CFAP91: variants seen among roughly 807,000 people sequenced by gnomAD.
CFAP91 encodes cilia and flagella associated protein 91.
CFAP91 carries 85 observed loss-of-function variants against 95.9 expected under a neutral mutation model. The ratio of observed to expected loss-of-function variants is 0.89; its 90% CI spans 0.74 to 1.06. CFAP91 has a LOEUF of 1.06. Ranked by LOEUF, CFAP91 falls within the 50% of genes least tolerant of loss-of-function variation. CFAP91 has a pLI of 0.00. For missense variants in CFAP91, 962 were observed against 943.4 expected, an observed-to-expected ratio of 1.02 and a Z score of -0.26; for synonymous variants, 335 against 327.5, an observed-to-expected ratio of 1.02 and a Z score of -0.25.
intron 17 of CFAP91, among the ~76,000 whole-genome samples, chr3:119,761,023 A>T (rs1217352392): frequency 6.6e-6 from 1 of 151,850 alleles, no homozygotes; most frequent in Middle Eastern, 3.2e-3. Context: ...AATAATAAAG[A>T]TTAGACCAGA....
At chr3:119,739,442 C>T in intron 12 of CFAP91, 116 bp downstream of exon 12, 1 of 903,286 alleles carries the variant, frequency 1.1e-6, no homozygotes, top group Non-Finnish European at 1.8e-6. Context: ...TCCTATTCAG[C>T]TAAACTCTTG....
In CFAP91 at chr3:119,747,158, A is replaced by G; in HGVS notation, c.1946A>G (p.Asp649Gly). 1.2e-6 allele frequency: 2 copies of G among 1,613,638 alleles called. No homozygotes were observed. Among genetic ancestry groups the G allele is most frequent in the Non-Finnish European group, 1.7e-6 (2 of 1,179,746 alleles). Residue 649 changes from aspartate to glycine, a missense_variant, in exon 15 of 18, where the codon GAC becomes GGC. By Grantham distance (94) the Asp-to-Gly change is moderately conservative. Coordinates refer to ENST00000273390, the MANE Select transcript of CFAP91 (RefSeq NM_033364.4). ...HHSTISSYLE[D>G]IILNTEANTA... is the part of the protein sequence containing the mutation. The stretch of plus-strand genomic sequence containing the variant: ...AGTACTATAAGCTCCTACCTAGAAG[A>G]CATAATACTGAATACCGAAGCGAAT...
intron 6 of CFAP91, among the ~76,000 whole-genome samples, chr3:119,725,751 T>A (rs1222291544): frequency 6.6e-6 from 1 of 151,498 alleles, no homozygotes; most frequent in Non-Finnish European, 1.5e-5. Context: ...AGTGAGACCT[T>A]GATTCACAAA....
Position 119,730,314 on chromosome 3 carries a change from T to G in CFAP91, c.955T>G (p.Trp319Gly). 6.2e-7 allele frequency: 1 copy of G among 1,614,086 alleles called. No homozygotes were observed. Among genetic ancestry groups the G allele is most frequent in the Non-Finnish European group, 8.5e-7 (1 of 1,179,994 alleles). The change falls in exon 8 of 18, where the codon TGG becomes GGG. Residue 319 changes from tryptophan to glycine, a missense_variant. Transcript: ENST00000273390. Reference sequence around the variant, plus strand: ...GAATATGAAGCACTTGAATGCCCGGTGGTCTAAACTGCAGGAGGGAAAAGA... The same window carrying G: ...GAATATGAAGCACTTGAATGCCCGGGGGTCTAAACTGCAGGAGGGAAAAGA... ...EVNMKHLNAR[W>G]SKLQEGKEAK...
chr3:119,751,175 A>T, intron 17 of CFAP91, 77 bp downstream of exon 17: 1 of 1,422,944 alleles, frequency 7.0e-7, no homozygotes, highest in South Asian at 1.5e-5. Flanking sequence ...TGCTGTGCTC[A>T]AACAATCATA....
rs1403066213 is a variant in CFAP91, at chr3:119,747,864, T to C, written c.2105T>C (p.Leu702Pro). 1.1e-5 allele frequency: 18 copies of C among 1,613,604 alleles called. No individual in the cohort carries two copies. The highest frequency in any genetic ancestry group is 1.5e-5 in the Non-Finnish European group (18 of 1,179,808). Residue 702 changes from leucine to proline, a missense_variant, in exon 16 of 18, where the codon CTG becomes CCG. Physicochemically the swap from Leu to Pro is moderately conservative, Grantham distance 98. Transcript: ENST00000273390. ...EIVAELVYSFLIPEVQKYFVK... is the reference protein window; with the variant it reads ...EIVAELVYSFPIPEVQKYFVK... ...GTTGCTGAGTTGGTTTATAGTTTTC[T>C]GATCCCAGAGGTGCAAAAATACTTT...
At chr3:119,763,390 A>G (rs2054573242) in intron 17 of CFAP91, among the ~76,000 whole-genome samples, 2 of 152,152 alleles carry the variant, frequency 1.3e-5, no homozygotes, top group Admixed American at 6.5e-5. Context: ...TAGTACAGCC[A>G]TTGTGGAAAA....
chr3:119,708,910 A>G (rs1192592384), intron 4 of CFAP91, among the ~76,000 whole-genome samples: 1 of 152,230 alleles, frequency 6.6e-6, no homozygotes, highest in Non-Finnish European at 1.5e-5. Context: ...GCTCAAGGTC[A>G]TATAAGCTAG....
intron 1 of CFAP91, chr3:119,706,524 C>A: frequency 3.1e-6 from 1 of 325,396 alleles, no homozygotes; most frequent in Non-Finnish European, 5.7e-6. Context: ...AAAGTGTGTT[C>A]AGGGTGTAGT....
At chr3:119,758,340 A>G (rs1244795738) in intron 17 of CFAP91, among the ~76,000 whole-genome samples, 1 of 152,206 alleles carries the variant, frequency 6.6e-6, no homozygotes, top group African/African-American at 2.4e-5. Context: ...AGCTTATGCT[A>G]TAGTAAAGTC....
At chr3:119,749,417 A>G (rs1324161687) in intron 16 of CFAP91, among the ~76,000 whole-genome samples, 1 of 152,106 alleles carries the variant, frequency 6.6e-6, no homozygotes. Context: ...CCAACTACTC[A>G]GGAGACTGAA....
chr3:119,764,764 A>C (rs1192460677), intron 17 of CFAP91, among the ~76,000 whole-genome samples: 1 of 152,108 alleles, frequency 6.6e-6, no homozygotes, highest in Non-Finnish European at 1.5e-5. Context: ...TACCTTTCTC[A>C]TGTTGACATT....
rs191001867 is a variant in CFAP91, at chr3:119,730,366, C to T, written c.1007C>T (p.Thr336Met). The T allele has an allele frequency of 7.0e-5, 113 of 1,613,772 alleles. No individual in the cohort carries two copies. In the East Asian group the frequency reaches 1.3e-3, roughly 19 times the overall value. ...GCAAAAATGGCAAAAATTCAGCGCA[C>T]GCATGTATCAAGTAATGGTGTAGTA... ...KEAKMAKIQR[T>M]HVSTIRKLVG... Residue 336 changes from threonine to methionine, a missense_variant, in exon 8 of 18, where the codon ACG becomes ATG. Thr to Met is a moderately conservative substitution (Grantham distance 81). Coordinates refer to ENST00000273390, the MANE Select transcript of CFAP91 (RefSeq NM_033364.4).
chr3:119,758,530 A>G (rs1198724045), intron 17 of CFAP91, among the ~76,000 whole-genome samples: 1 of 152,208 alleles, frequency 6.6e-6, no homozygotes, highest in African/African-American at 2.4e-5. Context: ...AGGAAATTTC[A>G]AAATTATTTA....
chr3:119,760,008 T>C (rs982224193), intron 17 of CFAP91, among the ~76,000 whole-genome samples: 2 of 151,914 alleles, frequency 1.3e-5, no homozygotes, highest in African/African-American at 2.4e-5. Flanking sequence ...ATGAACCAGA[T>C]GATAGTAGTA....
At position 119,732,301 on chromosome 3, in the gene CFAP91, A is replaced by G. The variant is rs752867506; in HGVS notation, c.1026A>G (p.Arg342=). The G allele has an allele frequency of 7.5e-6, 12 of 1,598,672 alleles. No individual in the cohort carries two copies. The highest frequency in any genetic ancestry group is 1.0e-5 in the Non-Finnish European group (12 of 1,172,070). The part of the protein sequence containing the change: ...KIQRTHVSTI[R]KLVGKRKNIE... Reference sequence around the variant, plus strand: ...AGGTATGTTTTATTTCAGCAATCAGAAAACTTGTAGGAAAGAGAAAGAATA... The same window carrying G: ...AGGTATGTTTTATTTCAGCAATCAGGAAACTTGTAGGAAAGAGAAAGAATA... Residue 342 remains arginine (R), a synonymous_variant, in exon 9 of 18, where the codon AGA becomes AGG. Coordinates refer to ENST00000273390, the MANE Select transcript of CFAP91 (RefSeq NM_033364.4).
chr3:119,705,331 C>G (rs558236667), intron 1 of CFAP91, among the ~76,000 whole-genome samples: 30 of 152,334 alleles, frequency 2.0e-4, no homozygotes, highest in African/African-American at 7.2e-4. Flanking sequence ...AAGATGAACA[C>G]CTTTCCAGGT....
chr3:119,739,170 T>G, intron 11 of CFAP91, 85 bp from the exon 12 acceptor site: 2 of 1,118,120 alleles, frequency 1.8e-6, no homozygotes, highest in Non-Finnish European at 2.7e-6. Flanking sequence ...CAGTCTGTTT[T>G]GCTTGAAATA....
At chr3:119,737,548 G>C in intron 11 of CFAP91, 66 bp downstream of exon 11, 1 of 1,011,368 alleles carries the variant, frequency 9.9e-7, no homozygotes, top group Non-Finnish European at 1.5e-6. Flanking sequence ...TCTTAGGATA[G>C]TTTAGCTTAA....
Sources: allele counts gnomAD v4.1 joint callset (sites outside exome capture counted in the v4.1 genomes callset), GRCh38; gene constraint gnomAD v4.1.1; transcripts MANE v1.5; gene names NCBI Gene and HGNC (gene_info 2026-07-23, HGNC 2026-07-21).